Variants in PTPN1 observed in about 807,000 individuals in gnomAD.
The protein encoded by PTPN1 is tyrosine-protein phosphatase non-receptor type 1.
In PTPN1, 12 loss-of-function variants were observed where a neutral mutation model predicts 59.9. The observed-to-expected ratio is 0.20, with a 90% CI of 0.13 to 0.32. PTPN1 has a LOEUF of 0.32. Ranked by LOEUF, PTPN1 falls within the 10% of genes least tolerant of loss-of-function variation. The probability of loss-of-function intolerance (pLI) is 1.00; values close to 1 mark genes in which losing one functional copy is unlikely to be tolerated. For synonymous variants in PTPN1, 178 were observed against 203.6 expected (o/e 0.87, Z 1.07); for missense variants, 356 against 549.2 (o/e 0.65, Z 3.52).
chr20:50,581,142 A>C, intron 8 of PTPN1, 123 bp from the exon 9 acceptor site: 1 of 1,412,374 alleles, frequency 7.1e-7, no homozygotes, highest in Non-Finnish European at 9.3e-7. Context: ...CTGGAAGGTT[A>C]ACATCATCCA....
intron 1 of PTPN1, among the ~76,000 whole-genome samples, chr20:50,512,063 T>G (rs1356976692): frequency 6.6e-6 from 1 of 152,224 alleles, no homozygotes; most frequent in Non-Finnish European, 1.5e-5. Flanking sequence ...GTATATTAGT[T>G]TCTGCTAGAC....
At chr20:50,541,864 G>A (rs2122751784) in intron 1 of PTPN1, among the ~76,000 whole-genome samples, 1 of 152,268 alleles carries the variant, frequency 6.6e-6, no homozygotes, top group South Asian at 2.1e-4. Context: ...GGTCAGTGGT[G>A]CCTGGAAGCT....
intron 1 of PTPN1, 75 bp downstream of exon 1, chr20:50,510,665 A>G (rs929427382): frequency 4.1e-5 from 60 of 1,467,602 alleles, no homozygotes; most frequent in Non-Finnish European, 5.2e-5. Context: ...TCCAGGCCCC[A>G]GACTCCCTCT....
At chr20:50,580,430 T>G (rs1332458951) in intron 8 of PTPN1, among the ~76,000 whole-genome samples, 2 of 152,196 alleles carry the variant, frequency 1.3e-5, no homozygotes, top group Non-Finnish European at 2.9e-5. Flanking sequence ...CTAGAACATG[T>G]CCCCTGGTCT....
At chr20:50,533,164 G>A (rs1212850653) in intron 1 of PTPN1, among the ~76,000 whole-genome samples, 1 of 151,882 alleles carries the variant, frequency 6.6e-6, no homozygotes, top group Non-Finnish European at 1.5e-5. Flanking sequence ...AAATGTTGTG[G>A]CAGAGTTATT....
At chr20:50,564,832 C>T in intron 2 of PTPN1, 137 bp from the exon 3 acceptor site, 1 of 1,364,680 alleles carries the variant, frequency 7.3e-7, no homozygotes, top group East Asian at 2.6e-5. Context: ...TGACTAATCT[C>T]AACTAAAACA....
intron 1 of PTPN1, among the ~76,000 whole-genome samples, chr20:50,559,863 T>A (rs1182457628): frequency 1.3e-5 from 2 of 151,966 alleles, no homozygotes; most frequent in African/African-American, 4.8e-5. Flanking sequence ...CCCAAGGGTT[T>A]TTTTTTTTTT....
At chr20:50,546,099 G>A (rs2082674796) in intron 1 of PTPN1, among the ~76,000 whole-genome samples, 1 of 152,166 alleles carries the variant, frequency 6.6e-6, no homozygotes, top group Admixed American at 6.5e-5. Flanking sequence ...TGGGACACTT[G>A]TTGGCAGCAG....
chr20:50,516,375 C>T (rs1034982617), intron 1 of PTPN1, among the ~76,000 whole-genome samples: 3 of 152,104 alleles, frequency 2.0e-5, no homozygotes, highest in African/African-American at 7.2e-5. Context: ...ACTAACAGTG[C>T]TGAGTGAGTC....
chr20:50,515,515 C>G (rs1243816399), intron 1 of PTPN1, among the ~76,000 whole-genome samples: 1 of 152,186 alleles, frequency 6.6e-6, no homozygotes, highest in South Asian at 2.1e-4. Flanking sequence ...TGGTCTCAAA[C>G]TCCTGGGCTC....
chr20:50,522,074 A>T (rs916873788), intron 1 of PTPN1, among the ~76,000 whole-genome samples: 10 of 152,216 alleles, frequency 6.6e-5, no homozygotes, highest in South Asian at 2.1e-4. Flanking sequence ...CAAAGGGCTA[A>T]AGGGTTGGTG....
chr20:50,582,953 G>T lies in PTPN1; in HGVS notation c.*238G>T, dbSNP rs557406025. ...CCAAATCCACAAGCCATTTTTTGAG[G>T]AGAGTGAAAGAGAGTACCATGCTGG... On this transcript the variant is annotated 3_prime_UTR_variant, in exon 10 of 10. Coordinates refer to ENST00000371621, the MANE Select transcript of PTPN1 (RefSeq NM_002827.4). The surrounding 1 kb of genome is among the most constrained non-coding windows in gnomAD (Gnocchi z 4.2). The T allele has an allele frequency of 8.9e-5, 52 of 583,558 alleles. No individual in the cohort carries two copies. The highest frequency in any genetic ancestry group is 4.6e-4 in the Middle Eastern group (1 of 2,166). 36.1% of individuals were successfully genotyped at this position (583,558 alleles called of 1,614,324 possible).
intron 1 of PTPN1, among the ~76,000 whole-genome samples, chr20:50,547,042 A>T (rs543032572): frequency 1.3e-5 from 2 of 152,016 alleles, no homozygotes; most frequent in Admixed American, 6.6e-5. Flanking sequence ...TCAGCATTTT[A>T]AAAAAAATAG....
chr20:50,524,465 C>T (rs748191916), intron 1 of PTPN1, among the ~76,000 whole-genome samples: 5 of 148,670 alleles, frequency 3.4e-5, no homozygotes, highest in Non-Finnish European at 5.9e-5. Context: ...GTGCCTAGTT[C>T]ACTGACTTGC....
rs912970797 is a variant in PTPN1 at position 50,564,844 on chromosome 20, G to T, written c.155-125G>T. On this transcript the variant is annotated intron_variant, in intron 2 of 9. Coordinates refer to ENST00000371621, the MANE Select transcript of PTPN1 (RefSeq NM_002827.4). Reference sequence around the variant, plus strand: ...TGATGACTAATCTCAACTAAAACAGGGCTTCAGCCAGTGTGAATGCCACTA... The same window carrying T: ...TGATGACTAATCTCAACTAAAACAGTGCTTCAGCCAGTGTGAATGCCACTA... 3 of 1,435,422 alleles carry T rather than the reference G, an allele frequency of 2.1e-6. No individual in the cohort carries two copies. In the African/African-American group the frequency reaches 4.4e-5, roughly 21 times the overall value. 88.9% of individuals were successfully genotyped at this position (1,435,422 alleles called of 1,614,324 possible).
chr20:50,566,510 G>T (rs879821783), intron 3 of PTPN1, among the ~76,000 whole-genome samples: 1 of 152,088 alleles, frequency 6.6e-6, no homozygotes, highest in Non-Finnish European at 1.5e-5. Flanking sequence ...TTGCCCTGGG[G>T]ATTTACTAAA....
intron 8 of PTPN1, among the ~76,000 whole-genome samples, chr20:50,580,847 G>A (rs1264746976): frequency 6.6e-6 from 1 of 152,206 alleles, no homozygotes; most frequent in Middle Eastern, 3.2e-3. Flanking sequence ...GTTCTCTCCC[G>A]GTGTTGGGAT....
rs1461048597 is a variant in PTPN1 at position 50,579,331 on chromosome 20, T to G, written c.864+2T>G. Reference sequence around the variant, plus strand: ...ATCATGGGGGACTCTTCCGTGCAGGTCAGCATTGCCTTTGTTTGAATCCAG... The same window carrying G: ...ATCATGGGGGACTCTTCCGTGCAGGGCAGCATTGCCTTTGTTTGAATCCAG... On this transcript the variant is annotated splice_donor_variant, in intron 7 of 9. Transcript: ENST00000371621. LOFTEE classifies it high-confidence loss of function. 6.2e-7 allele frequency: 1 copy of G among 1,613,164 alleles called. No homozygotes were observed. The highest frequency in any genetic ancestry group is 8.5e-7 in the Non-Finnish European group (1 of 1,179,262).
intron 1 of PTPN1, among the ~76,000 whole-genome samples, chr20:50,529,260 T>C (rs904276714): frequency 6.6e-6 from 1 of 152,192 alleles, no homozygotes; most frequent in African/African-American, 2.4e-5. Flanking sequence ...AGAGTCTCTC[T>C]CATTCAAACT....
Sources: allele counts gnomAD v4.1 joint callset (sites outside exome capture counted in the v4.1 genomes callset), GRCh38; gene constraint gnomAD v4.1.1; non-coding constraint Gnocchi (gnomAD v3.1); transcripts MANE v1.5; gene names NCBI Gene and HGNC (gene_info 2026-07-23, HGNC 2026-07-21).